Variants in EPAS1 observed in about 807,000 individuals in gnomAD.
EPAS1 encodes endothelial PAS domain-containing protein 1.
EPAS1 carries 23 observed loss-of-function variants against 87.9 expected under a neutral mutation model. The ratio of observed to expected loss-of-function variants is 0.26; its 90% CI spans 0.19 to 0.37. The LOEUF is 0.37. Ranked by LOEUF, EPAS1 falls within the 10% of genes least tolerant of loss-of-function variation. The probability of loss-of-function intolerance (pLI) is 1.00; values close to 1 mark genes in which losing one functional copy is unlikely to be tolerated. For synonymous variants in EPAS1, 508 were observed against 444.3 expected (o/e 1.14, Z -1.80); for missense variants, 1,138 against 1,120.7 (o/e 1.02, Z -0.22).
rs140587751 is a variant in EPAS1 at position 46,369,201 on chromosome 2, A to T, written c.780-626A>T. On this transcript the variant is annotated intron_variant, in intron 6 of 15. Transcript: ENST00000263734. Reference sequence around the variant, plus strand: ...CTTGAAATGTGAGGCACAAGTAGAAAGTGTCCGAGGGCACCTGAGGTCACA... The same window carrying T: ...CTTGAAATGTGAGGCACAAGTAGAATGTGTCCGAGGGCACCTGAGGTCACA... Among the ~76,000 whole-genome samples, 340 of 152,264 alleles carry T rather than the reference A, an allele frequency of 2.2e-3. 1 individual carries two copies. Among genetic ancestry groups the T allele is most frequent in the African/African-American group, 8.0e-3 (332 of 41,540 alleles).
At chr2:46,305,020 C>A (rs1039209061) in intron 1 of EPAS1, among the ~76,000 whole-genome samples, 13 of 152,204 alleles carry the variant, frequency 8.5e-5, no homozygotes, top group African/African-American at 3.1e-4. Flanking sequence ...TGCTGCCAAA[C>A]AGAATTGCAT....
intron 1 of EPAS1, among the ~76,000 whole-genome samples, chr2:46,331,353 C>T (rs1683669328): frequency 6.6e-6 from 1 of 152,232 alleles, no homozygotes; most frequent in African/African-American, 2.4e-5. Context: ...AAAGCCCTGG[C>T]TCATCAAACA....
chr2:46,307,143 G>T (rs1409547667), intron 1 of EPAS1, among the ~76,000 whole-genome samples: 2 of 152,176 alleles, frequency 1.3e-5, no homozygotes, highest in African/African-American at 4.8e-5. Context: ...GTGTTTCCAA[G>T]AGTTCTCAGA....
rs1438310714 is a variant in EPAS1, at chr2:46,376,586, C to A, written c.1082C>A (p.Ser361Tyr). 6.2e-7 allele frequency: 1 copy of A among 1,614,146 alleles called. No homozygotes were observed. Among genetic ancestry groups the A allele is most frequent in the Non-Finnish European group, 8.5e-7 (1 of 1,180,030 alleles). Residue 361 changes from serine to tyrosine, a missense_variant, in exon 9 of 16, where the codon TCC (serine) becomes TAC (tyrosine). Around this residue, in one of 4 missense-constraint regions of EPAS1, gnomAD observed 284 missense variants for 258.4 expected, o/e 1.10. Transcript: ENST00000263734. ...DVVFSMDQTE[S>Y]LFKPHLMAMN... ...GTGTTCTCCATGGACCAGACTGAAT[C>A]CCTGTTCAAGCCCCACCTGATGGCC...
intron 15 of EPAS1, among the ~76,000 whole-genome samples, chr2:46,383,769 G>A (rs1039010985): frequency 2.0e-5 from 3 of 152,218 alleles, no homozygotes; most frequent in Non-Finnish European, 4.4e-5. Flanking sequence ...ATGGTGAGCA[G>A]GTATCCATTG....
At chr2:46,351,747 T>C (rs1470857787) in intron 2 of EPAS1, among the ~76,000 whole-genome samples, 1 of 151,780 alleles carries the variant, frequency 6.6e-6, no homozygotes, top group Non-Finnish European at 1.5e-5. Flanking sequence ...CTTCTCGGAG[T>C]AGGAAACAAG....
At chr2:46,353,689 A>C (rs1684214695) in intron 2 of EPAS1, among the ~76,000 whole-genome samples, 1 of 152,220 alleles carries the variant, frequency 6.6e-6, no homozygotes, top group Admixed American at 6.5e-5. Context: ...ACATTGCATC[A>C]TCGCTTCAGC....
At chr2:46,361,798 G>A (rs1684394334) in intron 6 of EPAS1, among the ~76,000 whole-genome samples, 1 of 152,180 alleles carries the variant, frequency 6.6e-6, no homozygotes. Context: ...TGCCATCTCG[G>A]GTTCTTAGCT....
chr2:46,377,696 A>T (rs937627742), intron 9 of EPAS1, among the ~76,000 whole-genome samples, 198 bp from the exon 10 acceptor site: 1 of 152,214 alleles, frequency 6.6e-6, no homozygotes, highest in Non-Finnish European at 1.5e-5. Flanking sequence ...TTCCGTTTAA[A>T]GGGAGTCTCT....
chr2:46,365,747 A>G (rs1206203925), intron 6 of EPAS1, among the ~76,000 whole-genome samples: 3 of 152,246 alleles, frequency 2.0e-5, no homozygotes, highest in Non-Finnish European at 4.4e-5. Flanking sequence ...ATTAAAACCA[A>G]CCGAAGGCAC....
rs1328201268 is a variant in EPAS1, at chr2:46,380,986, C to T, written c.2045+269C>T. 6.6e-5 allele frequency among the ~76,000 whole-genome samples: 10 copies of T among 152,158 alleles called. No individual in the cohort carries two copies. The South Asian group carries it at 1.7e-3, about 25-fold the overall frequency. ...CTCAGTGTCTCCCTTCGGACCACCA[C>T]CAGAGTGCCTTTCGTATCTCGGTTC... On this transcript the variant is annotated intron_variant, in intron 12 of 15. Coordinates refer to ENST00000263734, the MANE Select transcript of EPAS1 (RefSeq NM_001430.5). The surrounding 1 kb of genome is among the most constrained non-coding windows in gnomAD (Gnocchi z 4.4).
intron 1 of EPAS1, among the ~76,000 whole-genome samples, chr2:46,322,296 G>C (rs1237022080): frequency 4.6e-5 from 7 of 152,176 alleles, no homozygotes; most frequent in Admixed American, 3.9e-4. Context: ...AGAATGTATT[G>C]AGCACCTGCT....
At chr2:46,366,329 G>T (rs1684501604) in intron 6 of EPAS1, among the ~76,000 whole-genome samples, 1 of 152,212 alleles carries the variant, frequency 6.6e-6, no homozygotes, top group Non-Finnish European at 1.5e-5. Context: ...AAAGAGCAAT[G>T]AATCATTCAT....
At chr2:46,327,573 A>G (rs890463214) in intron 1 of EPAS1, among the ~76,000 whole-genome samples, 1 of 152,246 alleles carries the variant, frequency 6.6e-6, no homozygotes, top group Non-Finnish European at 1.5e-5. Flanking sequence ...GCAGAAAAAC[A>G]AAAGTTACCT....
At chr2:46,338,154 C>G (rs959471538) in intron 1 of EPAS1, among the ~76,000 whole-genome samples, 8 of 152,176 alleles carry the variant, frequency 5.3e-5, no homozygotes, top group African/African-American at 1.9e-4. Context: ...GTCAAATGAT[C>G]CAGGTTTGAG....
In EPAS1 at chr2:46,364,381, A is replaced by C. The variant is rs1000785001; in HGVS notation, c.779+3291A>C. 5.9e-5 allele frequency among the ~76,000 whole-genome samples: 9 copies of C among 152,362 alleles called. No individual in the cohort carries two copies. In the East Asian group the frequency reaches 1.7e-3, roughly 29 times the overall value. ...ATATACTGAGACCACAGACACAATC[A>C]AGCAAAAAAAGAAAAAGGGTCATGG... On this transcript the variant is annotated intron_variant, in intron 6 of 15. Coordinates refer to ENST00000263734, the MANE Select transcript of EPAS1 (RefSeq NM_001430.5).
At position 46,378,645 on chromosome 2, in the gene EPAS1, C is replaced by T. The variant is rs781482823; in HGVS notation, c.1444-12C>T. On this transcript the variant is annotated splice_polypyrimidine_tract_variant and intron_variant, in intron 10 of 15. Transcript: ENST00000263734. ...TATCTTTGACTCTGTCCCCCTCCTTCCTGGCCCCTAGCCCAATAGCCCTGA... is the reference window on the plus strand; with the variant it reads ...TATCTTTGACTCTGTCCCCCTCCTTTCTGGCCCCTAGCCCAATAGCCCTGA... The T allele has an allele frequency of 2.5e-6, 4 of 1,611,792 alleles. No individual in the cohort carries two copies. Among genetic ancestry groups the T allele is most frequent in the Admixed American group, 1.7e-5 (1 of 60,012 alleles).
intron 1 of EPAS1, among the ~76,000 whole-genome samples, chr2:46,301,003 C>T (rs1682983707): frequency 6.6e-6 from 1 of 152,220 alleles, no homozygotes; most frequent in African/African-American, 2.4e-5. Context: ...TCCCTCCACA[C>T]TTGATATGTT....
chr2:46,366,743 C>T (rs1161903604), intron 6 of EPAS1, among the ~76,000 whole-genome samples: 1 of 152,182 alleles, frequency 6.6e-6, no homozygotes, highest in South Asian at 2.1e-4. Context: ...AGTTCCCTGG[C>T]CCCTGATGGA....
Sources: gnomAD v4.1 joint callset for allele counts (sites outside exome capture counted in the v4.1 genomes callset) on GRCh38, gnomAD v4.1.1 for gene constraint, gnomAD v4.1.1 regional missense constraint, Gnocchi (gnomAD v3.1) non-coding constraint, MANE v1.5 for transcripts, NCBI Gene and HGNC (gene_info 2026-07-23, HGNC 2026-07-21) for gene names.